The following CDH9 variants were observed in gnomAD, a reference collection of about 807,000 sequenced individuals.
The protein encoded by CDH9 is cadherin 9.
In CDH9, 28 loss-of-function variants were observed where a neutral mutation model predicts 70.9. The ratio of observed to expected loss-of-function variants is 0.40; its 90% CI spans 0.29 to 0.54. The LOEUF is 0.54. Ranked by LOEUF, CDH9 falls within the 20% of genes least tolerant of loss-of-function variation. CDH9 has a pLI of 0.59. For synonymous variants in CDH9, 409 were observed against 343.1 expected, an observed-to-expected ratio of 1.19 and a Z score of -2.12; for missense variants, 874 against 984.4, an observed-to-expected ratio of 0.89 and a Z score of 1.50.
intron 2 of CDH9, among the ~76,000 whole-genome samples, chr5:26,933,325 A>G (rs1378632227): frequency 6.6e-6 from 1 of 151,602 alleles, no homozygotes; most frequent in Non-Finnish European, 1.5e-5. Context: ...CATCCTCTAG[A>G]ACCATGAAAA....
At chr5:26,989,666 A>C (rs1298847513) in intron 1 of CDH9, among the ~76,000 whole-genome samples, 1 of 152,088 alleles carries the variant, frequency 6.6e-6, no homozygotes, top group Non-Finnish European at 1.5e-5. Context: ...AGTCTTTTCT[A>C]ATTGGAGTTT....
At chr5:26,911,906 G>T (rs958315664) in intron 3 of CDH9, among the ~76,000 whole-genome samples, 1 of 152,040 alleles carries the variant, frequency 6.6e-6, no homozygotes, top group Non-Finnish European at 1.5e-5. Context: ...GATTGTGACA[G>T]ACAGAAACTG....
intron 1 of CDH9, among the ~76,000 whole-genome samples, chr5:27,023,025 A>G (rs1743165612): frequency 6.6e-6 from 1 of 152,058 alleles, no homozygotes; most frequent in South Asian, 2.1e-4. Context: ...AAAGTTGTAA[A>G]TGACTTTGAA....
chr5:26,961,771 CA>C (rs1420039819), intron 2 of CDH9, among the ~76,000 whole-genome samples: 3 of 152,140 alleles, frequency 2.0e-5, no homozygotes, highest in African/African-American at 7.2e-5. Flanking sequence ...ACTTAGCATG[CA>C]GTTTCGTCAC....
At chr5:26,956,147 C>A (rs1741943972) in intron 2 of CDH9, among the ~76,000 whole-genome samples, 2 of 152,064 alleles carry the variant, frequency 1.3e-5, no homozygotes, top group African/African-American at 2.4e-5. Context: ...TCCCATGTGT[C>A]TTGGGAGGGA....
At chr5:26,928,875 A>T (rs1382942503) in intron 2 of CDH9, among the ~76,000 whole-genome samples, 2 of 151,814 alleles carry the variant, frequency 1.3e-5, no homozygotes, top group Non-Finnish European at 2.9e-5. Context: ...CTAAGATTTC[A>T]AGTTAGGAAA....
chr5:26,882,882 C>T (rs1740490246), intron 11 of CDH9, among the ~76,000 whole-genome samples: 1 of 151,068 alleles, frequency 6.6e-6, no homozygotes, highest in African/African-American at 2.4e-5. Context: ...GCCCCTATAA[C>T]TACACTAAAG....
chr5:26,995,313 G>C (rs2112099108), intron 1 of CDH9, among the ~76,000 whole-genome samples: 1 of 152,240 alleles, frequency 6.6e-6, no homozygotes, highest in South Asian at 2.1e-4. Context: ...TAGAGAAATA[G>C]AAAGAGTTGA....
chr5:26,955,945 C>G (rs1177984586), intron 2 of CDH9, among the ~76,000 whole-genome samples: 2 of 152,128 alleles, frequency 1.3e-5, no homozygotes, highest in Non-Finnish European at 2.9e-5. Context: ...ATATCACCAT[C>G]CTAGTGTTTG....
intron 1 of CDH9, among the ~76,000 whole-genome samples, chr5:27,012,448 G>A (rs573107842): frequency 4.3e-4 from 65 of 151,934 alleles, no homozygotes; most frequent in African/African-American, 5.5e-4. Context: ...GCAGAATTCC[G>A]TTAATATTCT....
At chr5:26,901,110 C>A (rs2111986003) in intron 7 of CDH9, among the ~76,000 whole-genome samples, 1 of 151,996 alleles carries the variant, frequency 6.6e-6, no homozygotes, top group African/African-American at 2.4e-5. Context: ...AAGAGTTTTA[C>A]TTTAAGCAAT....
intron 1 of CDH9, among the ~76,000 whole-genome samples, chr5:27,030,496 T>A (rs1743294102): frequency 2.1e-5 from 3 of 145,792 alleles, no homozygotes; most frequent in East Asian, 2.0e-4. Flanking sequence ...GCAGGGGGGA[T>A]GGAAATAGAA....
intron 1 of CDH9, among the ~76,000 whole-genome samples, chr5:27,033,087 AT>A (rs1247246708): frequency 1.3e-5 from 2 of 151,298 alleles, no homozygotes; most frequent in African/African-American, 4.8e-5. Context: ...AGTTAAAAAA[AT>A]AAAATTCTAA....
chr5:26,967,118 T>C (rs1742143428), intron 2 of CDH9, among the ~76,000 whole-genome samples: 1 of 151,346 alleles, frequency 6.6e-6, no homozygotes, highest in South Asian at 2.1e-4. Context: ...TTTATTTTTA[T>C]TTTATTTTAT....
At chr5:27,021,979 T>C (rs573064520) in intron 1 of CDH9, among the ~76,000 whole-genome samples, 1 of 152,128 alleles carries the variant, frequency 6.6e-6, no homozygotes, top group South Asian at 2.1e-4. Context: ...TCTCGTGTTG[T>C]TATGTTTCCT....
chr5:26,900,794 T>C (rs7734956), intron 7 of CDH9, among the ~76,000 whole-genome samples: 19,927 of 152,030 alleles, frequency 0.13, 1,386 homozygotes, highest in Middle Eastern at 0.33. Context: ...ACAACCAACA[T>C]TGATGATTTT....
chr5:26,892,222 A>T (rs929120781), intron 7 of CDH9, among the ~76,000 whole-genome samples: 4 of 152,188 alleles, frequency 2.6e-5, no homozygotes, highest in African/African-American at 9.6e-5. Context: ...GTACTAGTTA[A>T]TTTTTTACAT....
intron 7 of CDH9, among the ~76,000 whole-genome samples, chr5:26,898,168 A>C (rs1459054894): frequency 6.6e-6 from 1 of 152,104 alleles, no homozygotes; most frequent in Non-Finnish European, 1.5e-5. Flanking sequence ...TCAAAGAAAT[A>C]AGGGAGGACA....
intron 2 of CDH9, among the ~76,000 whole-genome samples, chr5:26,959,192 A>C (rs1741993401): frequency 6.6e-6 from 1 of 152,178 alleles, no homozygotes; most frequent in African/African-American, 2.4e-5. Flanking sequence ...ACAAATGAAT[A>C]AATGGCTTGA....
Sources: allele counts gnomAD v4.1 joint callset (sites outside exome capture counted in the v4.1 genomes callset), GRCh38; gene constraint gnomAD v4.1.1; transcripts MANE v1.5; gene names NCBI Gene and HGNC (gene_info 2026-07-23, HGNC 2026-07-21).